The following MARCHF1 variants were observed in gnomAD, a reference collection of about 807,000 sequenced individuals.
MARCHF1 encodes E3 ubiquitin-protein ligase MARCHF1.
MARCHF1 carries 40 observed loss-of-function variants against 54.2 expected under a neutral mutation model. The ratio of observed to expected loss-of-function variants is 0.74; its 90% confidence interval spans 0.57 to 0.96. MARCHF1 has a LOEUF of 0.96. Among genes scored for constraint, MARCHF1 ranks in the 40% least tolerant of loss-of-function variants. The pLI is 0.00. For synonymous variants in MARCHF1, 236 were observed against 236.3 expected, an observed-to-expected ratio of 1.00 and a Z score of 0.01; for missense variants, 586 against 656.5, an observed-to-expected ratio of 0.89 and a Z score of 1.17.
At chr4:164,310,322 T>C (rs1734814628) in intron 1 of MARCHF1, among the ~76,000 whole-genome samples, 1 of 152,104 alleles carries the variant, frequency 6.6e-6, no homozygotes, top group Non-Finnish European at 1.5e-5. Flanking sequence ...ATGATCCGCC[T>C]ACCTTGTATT....
chr4:163,942,532 G>A (rs575457822), intron 3 of MARCHF1, among the ~76,000 whole-genome samples: 77 of 152,322 alleles, frequency 5.1e-4, no homozygotes, highest in African/African-American at 1.8e-3. Context: ...AGAGAGTCAT[G>A]AAAGTGCATG....
Position 163,524,870 on chromosome 4 carries a change from AAAAACTGCACACAGTT to A in MARCHF1, c.*3862_*3877del, listed in dbSNP as rs1305480139. On this transcript the variant is annotated 3_prime_UTR_variant, in exon 10 of 10. Coordinates refer to ENST00000514618, the MANE Select transcript of MARCHF1 (RefSeq NM_001394959.1). ...CAAAATAGTACAAATGCCTAATTTC[AAAAACTGCACACAGTT>A]AAAATAATTTTTCCTTCTTTGTTTT... 1 of 152,200 alleles carries A rather than the reference AAAAACTGCACACAGTT, an allele frequency of 6.6e-6. No individual in the cohort carries two copies. Among genetic ancestry groups the A allele is most frequent in the Non-Finnish European group, 1.5e-5 (1 of 68,030 alleles). The allele number at this position is 152,200 out of a possible 1,614,324, so 9.4% of individuals were successfully genotyped here. A position where few individuals can be genotyped will look rare whatever the true frequency, so the allele number is the denominator to read the frequency against.
intron 7 of MARCHF1, among the ~76,000 whole-genome samples, chr4:163,602,886 A>C (rs1211046137): frequency 6.6e-6 from 1 of 152,154 alleles, no homozygotes. Context: ...GTGACTGTAC[A>C]TCTAGGACCA....
At chr4:164,019,540 C>G (rs937334986) in intron 2 of MARCHF1, among the ~76,000 whole-genome samples, 1 of 152,162 alleles carries the variant, frequency 6.6e-6, no homozygotes, top group Non-Finnish European at 1.5e-5. Flanking sequence ...AAAGTAGCAT[C>G]ACAATTTTCA....
Position 163,755,337 on chromosome 4 carries a change from CT to C in MARCHF1, c.112-54475del, listed in dbSNP as rs1746635502. Among the ~76,000 whole-genome samples the C allele has an allele frequency of 2.0e-5, 3 of 152,230 alleles. 1 individual carries two copies. In the East Asian group the frequency reaches 5.8e-4, roughly 29 times the overall value. On this transcript the variant is annotated intron_variant, in intron 4 of 9. Transcript: ENST00000514618. ...TACCACAGCTAATAAACTTTTTGTC[CT>C]TCTTTTTAAAGTACACCACATCATG...
chr4:163,942,502 G>A (rs1461289165), intron 3 of MARCHF1, among the ~76,000 whole-genome samples: 1 of 152,166 alleles, frequency 6.6e-6, no homozygotes, highest in Non-Finnish European at 1.5e-5. Context: ...GATGAAATAA[G>A]TGACTGATTA....
intron 1 of MARCHF1, among the ~76,000 whole-genome samples, chr4:164,156,715 C>T (rs1278663926): frequency 6.6e-6 from 1 of 152,174 alleles, no homozygotes; most frequent in Non-Finnish European, 1.5e-5. Context: ...AGGCGTTAGT[C>T]ACCATGCCCG....
intron 4 of MARCHF1, among the ~76,000 whole-genome samples, chr4:163,747,341 C>G (rs1746392202): frequency 6.6e-6 from 1 of 152,164 alleles, no homozygotes; most frequent in South Asian, 2.1e-4. Context: ...CTGGCAGAAA[C>G]AAATATAAAT....
chr4:164,043,562 G>C (rs1159817248), intron 2 of MARCHF1, among the ~76,000 whole-genome samples: 1 of 152,082 alleles, frequency 6.6e-6, no homozygotes, highest in African/African-American at 2.4e-5. Context: ...TCTGTGATGG[G>C]AGGTGCTGCT....
Position 164,176,972 on chromosome 4 carries a change from CTCTCTCTCTATA to C in MARCHF1, c.-322-65322_-322-65311del, listed in dbSNP as rs1209644644. ...TCTCTCTCTCTCTCTCTCTCTCTCT[CTCTCTCTCTATA>C]TATATATATATATATATATATATAT... is the stretch of plus-strand genomic sequence containing the variant. On this transcript the variant is annotated intron_variant, in intron 1 of 9. Coordinates refer to ENST00000514618, the MANE Select transcript of MARCHF1 (RefSeq NM_001394959.1). Among the ~76,000 whole-genome samples the C allele has an allele frequency of 9.5e-4, 54 of 56,806 alleles. 3 individuals carry two copies. The highest frequency in any genetic ancestry group is 7.7e-3 in the Middle Eastern group (1 of 130). The allele number at this position is 56,806 out of a possible 152,430, so 37.3% of individuals were successfully genotyped here.
intron 2 of MARCHF1, among the ~76,000 whole-genome samples, chr4:164,012,255 C>G (rs1483717918): frequency 6.6e-6 from 1 of 151,988 alleles, no homozygotes; most frequent in Admixed American, 6.6e-5. Flanking sequence ...TGTCACCCCT[C>G]CTACAACTCC....
intron 1 of MARCHF1, among the ~76,000 whole-genome samples, chr4:164,292,730 T>A (rs1448621399): frequency 1.3e-5 from 2 of 152,194 alleles, no homozygotes; most frequent in African/African-American, 4.8e-5. Flanking sequence ...AATAAGTGCA[T>A]CTTACAATCA....
intron 3 of MARCHF1, among the ~76,000 whole-genome samples, chr4:163,976,402 A>G (rs1418508473): frequency 1.3e-5 from 2 of 152,170 alleles, no homozygotes; most frequent in Admixed American, 6.6e-5. Flanking sequence ...GAAGGATAAA[A>G]TAGTATTTTG....
intron 9 of MARCHF1, chr4:163,530,453 T>A (rs563468294): frequency 6.6e-6 from 1 of 152,100 alleles, no homozygotes; most frequent in East Asian, 1.9e-4. Context: ...ATTTTTCACT[T>A]GCTTATCCAG....
intron 4 of MARCHF1, among the ~76,000 whole-genome samples, chr4:163,744,300 T>G (rs1324235208): frequency 6.6e-6 from 1 of 152,202 alleles, no homozygotes; most frequent in African/African-American, 2.4e-5. Flanking sequence ...TATTTCCATA[T>G]TTTAGGTGCA....
chr4:164,008,776 C>A (rs1753352673), intron 2 of MARCHF1, among the ~76,000 whole-genome samples: 1 of 151,966 alleles, frequency 6.6e-6, no homozygotes, highest in African/African-American at 2.4e-5. Context: ...TTAAACATTT[C>A]TTGAAACAAA....
At chr4:163,626,539 C>G (rs554874507) in intron 5 of MARCHF1, among the ~76,000 whole-genome samples, 26 of 152,266 alleles carry the variant, frequency 1.7e-4, no homozygotes, top group Admixed American at 1.0e-3. Context: ...ATGGGAAATA[C>G]TGCTGCAGAA....
chr4:163,733,520 A>G (rs1208082030), intron 4 of MARCHF1, among the ~76,000 whole-genome samples: 3 of 150,352 alleles, frequency 2.0e-5, no homozygotes, highest in African/African-American at 7.3e-5. Context: ...TTTGTTACAT[A>G]TGTATACATG....
intron 4 of MARCHF1, among the ~76,000 whole-genome samples, chr4:163,818,466 G>T (rs1748602647): frequency 6.6e-6 from 1 of 152,062 alleles, no homozygotes; most frequent in African/African-American, 2.4e-5. Flanking sequence ...AATCCTGATA[G>T]ATATAAGGCA....
Sources: allele counts gnomAD v4.1 joint callset (sites outside exome capture counted in the v4.1 genomes callset), GRCh38; gene constraint gnomAD v4.1.1; transcripts MANE v1.5; gene names NCBI Gene and HGNC (gene_info 2026-07-23, HGNC 2026-07-21).